The following PNPO variants were observed in gnomAD, a reference collection of about 807,000 sequenced individuals.
The protein encoded by PNPO is pyridoxamine 5'-phosphate oxidase.
Under a neutral mutation model 35.0 loss-of-function variants are expected in PNPO, and 39 were observed. That is an observed-to-expected ratio of 1.11 (90% confidence interval 0.86 to 1.45). PNPO has a LOEUF of 1.45. Among genes scored for constraint, PNPO ranks in the 40% most tolerant of loss-of-function variants. The probability of loss-of-function intolerance (pLI) is 0.00; values close to 1 mark genes in which losing one functional copy is unlikely to be tolerated. For missense variants in PNPO, 288 were observed against 340.0 expected (o/e 0.85, Z 1.20); for synonymous variants, 115 against 119.8 (o/e 0.96, Z 0.26).
In PNPO at chr17:47,947,105, C is replaced by A. The variant is rs868226488; in HGVS notation, c.*323C>A. ...ACTCCCTTTCTGGTGACAGACAGGGCCCCAGCAGCCCTGTCTGTTACCATG... is the reference window on the plus strand; with the variant it reads ...ACTCCCTTTCTGGTGACAGACAGGGACCCAGCAGCCCTGTCTGTTACCATG... On this transcript the variant is annotated 3_prime_UTR_variant, in exon 7 of 7. Coordinates refer to ENST00000642017, the MANE Select transcript of PNPO (RefSeq NM_018129.4). 8.4e-6 allele frequency: 3 copies of A among 356,090 alleles called. No homozygotes were observed. Among genetic ancestry groups the A allele is most frequent in the South Asian group, 7.8e-5 (3 of 38,352 alleles). 22.1% of individuals were successfully genotyped at this position (356,090 alleles called of 1,614,324 possible). A position where few individuals can be genotyped will look rare whatever the true frequency, so the allele number is the denominator to read the frequency against.
chr17:47,945,108 T>C lies in PNPO; in HGVS notation c.363+393T>C. The C allele has an allele frequency of 2.6e-6, 1 of 383,104 alleles. No individual in the cohort carries two copies. The highest frequency in any genetic ancestry group is 5.0e-6 in the Non-Finnish European group (1 of 200,666). The allele number at this position is 383,104 out of a possible 1,614,324, so 23.7% of individuals were successfully genotyped here. On this transcript the variant is annotated intron_variant, in intron 3 of 6. Coordinates refer to ENST00000642017, the MANE Select transcript of PNPO (RefSeq NM_018129.4). The surrounding 1 kb of genome is among the most constrained non-coding windows in gnomAD (Gnocchi z 4.0). ...TTATGTAACTGATATTTGTCTCCTCTGCTCAACAGTAAGCTCTGTAGGAGT... is the reference window on the plus strand; with the variant it reads ...TTATGTAACTGATATTTGTCTCCTCCGCTCAACAGTAAGCTCTGTAGGAGT...
intron 1 of PNPO, 59 bp from the exon 2 acceptor site, chr17:47,943,247 G>A (rs2035965660): frequency 7.1e-7 from 1 of 1,403,908 alleles, no homozygotes; most frequent in Non-Finnish European, 1.0e-6. Flanking sequence ...CTAGAACAGT[G>A]CCAGGTCCAT....
rs190302343 is a variant in PNPO, at chr17:47,942,786, C to T, written c.139-520C>T. Among the ~76,000 whole-genome samples, 211 of 152,134 alleles carry T rather than the reference C, an allele frequency of 1.4e-3. 1 individual carries two copies. Among genetic ancestry groups the T allele is most frequent in the African/African-American group, 5.0e-3 (209 of 41,478 alleles). On this transcript the variant is annotated intron_variant, in intron 1 of 6. Coordinates refer to ENST00000642017, the MANE Select transcript of PNPO (RefSeq NM_018129.4). ...CTACAAAAAATTAAAATTAGTCGAGCATGTTGGAGCGTGCCTGTAATTCCA... is the reference window on the plus strand; with the variant it reads ...CTACAAAAAATTAAAATTAGTCGAGTATGTTGGAGCGTGCCTGTAATTCCA...
intron 1 of PNPO, 124 bp downstream of exon 1, chr17:47,941,937 G>A: frequency 1.5e-6 from 2 of 1,367,976 alleles, no homozygotes; most frequent in Non-Finnish European, 1.9e-6. Flanking sequence ...GTGGGGCAAG[G>A]AGGTTTGAGG....
chr17:47,945,230 A>G lies in PNPO; in HGVS notation c.364-329A>G, dbSNP rs1442963186. On this transcript the variant is annotated intron_variant, in intron 3 of 6. Transcript: ENST00000642017. The surrounding 1 kb of genome is among the most constrained non-coding windows in gnomAD (Gnocchi z 4.0). ...CGCGTGCATTCAATGAATGAATCCA[A>G]AATGAGTAAACCTCCCTGAGTCCAT... is the stretch of plus-strand genomic sequence containing the variant. The G allele has an allele frequency of 2.4e-6, 1 of 411,262 alleles. No homozygotes were observed. The highest frequency in any genetic ancestry group is 4.6e-6 in the Non-Finnish European group (1 of 218,466). 25.5% of individuals were successfully genotyped at this position (411,262 alleles called of 1,614,324 possible). A position where few individuals can be genotyped will look rare whatever the true frequency, so the allele number is the denominator to read the frequency against.
rs1266169742 is a variant in PNPO at position 47,944,619 on chromosome 17, T to C, written c.267T>C (p.Asp89=). ...GTGCTCTGCTCTTTGCTCCTAGAGA[T>C]GGAAAACCCTCTGCTCGCATGTTGC... ...NAMCLATCTR[D]GKPSARMLLL... Residue 89 remains aspartate (D), a synonymous_variant, in exon 3 of 7, where the codon GAT becomes GAC. Coordinates refer to ENST00000642017, the MANE Select transcript of PNPO (RefSeq NM_018129.4). 3 of 1,613,156 alleles carry C rather than the reference T, an allele frequency of 1.9e-6. No individual in the cohort carries two copies. The African/African-American group carries it at 4.0e-5, about 22-fold the overall frequency.
In PNPO at chr17:47,946,002, C is replaced by T; in HGVS notation, c.546+13C>T. ...CCCTGATCGGGAGGTGAGTGGAGCT[C>T]CGCTGTAGTCCTCCAGGTGGTGGAG... is the stretch of plus-strand genomic sequence containing the variant. On this transcript the variant is annotated intron_variant, in intron 5 of 6. Transcript: ENST00000642017. 1 of 1,613,444 alleles carries T rather than the reference C, an allele frequency of 6.2e-7. No individual in the cohort carries two copies. The highest frequency in any genetic ancestry group is 8.5e-7 in the Non-Finnish European group (1 of 1,180,010).
chr17:47,942,751 G>A (rs2035957627), intron 1 of PNPO, among the ~76,000 whole-genome samples: 1 of 152,130 alleles, frequency 6.6e-6, no homozygotes, highest in Non-Finnish European at 1.5e-5. Flanking sequence ...AACATAGTGA[G>A]ACCCTGTCTC....
intron 3 of PNPO, chr17:47,944,941 C>T: frequency 3.4e-6 from 2 of 593,738 alleles, no homozygotes; most frequent in Non-Finnish European, 6.1e-6. Context: ...CTTCAGATCT[C>T]AGCCCACATG....
intron 2 of PNPO, 82 bp from the exon 3 acceptor site, chr17:47,944,534 C>T (rs935484959): frequency 2.8e-6 from 3 of 1,078,972 alleles, no homozygotes; most frequent in Non-Finnish European, 4.3e-6. Flanking sequence ...GGAGGGGGTG[C>T]TGAGACATCC....
chr17:47,943,323 T>C lies in PNPO; in HGVS notation c.156T>C (p.His52=), dbSNP rs764734750. Residue 52 remains histidine (H), a synonymous_variant, in exon 2 of 7, where the codon CAT becomes CAC. Coordinates refer to ENST00000642017, the MANE Select transcript of PNPO (RefSeq NM_018129.4). ...RGDREAFEET[H]LTSLDPVKQF... The stretch of plus-strand genomic sequence containing the variant: ...TTTCCTAGGCATTTGAGGAGACTCA[T>C]CTGACCTCCCTTGACCCAGTGAAAC... 1.2e-6 allele frequency: 2 copies of C among 1,613,760 alleles called. No individual in the cohort carries two copies. The highest frequency in any genetic ancestry group is 1.7e-6 in the Non-Finnish European group (2 of 1,179,800).
chr17:47,941,794 G>A lies in PNPO; in HGVS notation c.119G>A (p.Ser40Asn), dbSNP rs797045893. Residue 40 changes from serine to asparagine, a missense_variant, in exon 1 of 7, where the codon AGT becomes AAT. Coordinates refer to ENST00000642017, the MANE Select transcript of PNPO (RefSeq NM_018129.4). ...AAMDLGPMRKSYRGDREAFEE... is the reference protein window; with the variant it reads ...AAMDLGPMRKNYRGDREAFEE... ...ATGGACCTGGGACCCATGCGCAAGA[G>A]TTACCGCGGGGACCGAGAGGTGCCG... The A allele has an allele frequency of 3.2e-6, 5 of 1,569,896 alleles. No homozygotes were observed. Among genetic ancestry groups the A allele is most frequent in the Non-Finnish European group, 3.5e-6 (4 of 1,156,680 alleles).
At position 47,943,379 on chromosome 17, in the gene PNPO, A is replaced by G; in HGVS notation, c.212A>G (p.Gln71Arg). The change falls in exon 2 of 7, where the codon CAG becomes CGG. Residue 71 changes from glutamine to arginine, a missense_variant. Transcript: ENST00000642017. ...QFAAWFEEAV[Q>R]CPDIGEANAM... ...GCTGCCTGGTTTGAGGAGGCTGTTC[A>G]GTGTCCTGACATAGGGGAAGCCAAT... is the stretch of plus-strand genomic sequence containing the variant. 1 of 1,614,064 alleles carries G rather than the reference A, an allele frequency of 6.2e-7. No individual in the cohort carries two copies. Among genetic ancestry groups the G allele is most frequent in the Non-Finnish European group, 8.5e-7 (1 of 1,179,910 alleles).
At chr17:47,946,284 C>T in intron 5 of PNPO, 39 bp from the exon 6 acceptor site, 1 of 1,454,370 alleles carries the variant, frequency 6.9e-7, no homozygotes, top group Non-Finnish European at 9.7e-7. Context: ...GAATCATTGA[C>T]TGGGCCTGGC....
chr17:47,945,079 G>C lies in PNPO; in HGVS notation c.363+364G>C. 2 of 393,630 alleles carry C rather than the reference G, an allele frequency of 5.1e-6. No individual in the cohort carries two copies. Among genetic ancestry groups the C allele is most frequent in the South Asian group, 4.3e-5 (2 of 46,228 alleles). 24.4% of individuals were successfully genotyped at this position (393,630 alleles called of 1,614,324 possible). A position where few individuals can be genotyped will look rare whatever the true frequency, so the allele number is the denominator to read the frequency against. On this transcript the variant is annotated intron_variant, in intron 3 of 6. Coordinates refer to ENST00000642017, the MANE Select transcript of PNPO (RefSeq NM_018129.4). The surrounding 1 kb of genome is among the most constrained non-coding windows in gnomAD (Gnocchi z 4.0). ...AGTTTGTAACTGAGCATTTGTTTGG[G>C]TGATTATGTAACTGATATTTGTCTC...
chr17:47,941,715 C>G lies in PNPO; in HGVS notation c.40C>G (p.Arg14Gly), dbSNP rs1441842851. Reference sequence around the variant, plus strand: ...GCGGGGCGTCACGGCGACGTTCGGGCGACCTGCCGAGTGGCCAGGCTACCT... The same window carrying G: ...GCGGGGCGTCACGGCGACGTTCGGGGGACCTGCCGAGTGGCCAGGCTACCT... ...WLRGVTATFG[R>G]PAEWPGYLSH... Residue 14 changes from arginine to glycine, a missense_variant, in exon 1 of 7, where the codon CGA becomes GGA. Arg to Gly is a moderately radical substitution (Grantham distance 125, BLOSUM62 -2). Coordinates refer to ENST00000642017, the MANE Select transcript of PNPO (RefSeq NM_018129.4). 1.3e-6 allele frequency: 2 copies of G among 1,542,946 alleles called. No homozygotes were observed. Among genetic ancestry groups the G allele is most frequent in the Non-Finnish European group, 1.8e-6 (2 of 1,141,698 alleles).
chr17:47,944,964 G>A lies in PNPO; in HGVS notation c.363+249G>A, dbSNP rs2325750. On this transcript the variant is annotated intron_variant, in intron 3 of 6. Coordinates refer to ENST00000642017, the MANE Select transcript of PNPO (RefSeq NM_018129.4). Reference sequence around the variant, plus strand: ...CTCAGCCCACATGTTACCTCCTCAGGAAGGCCTTCCTTGACTCTCACTCAG... The same window carrying A: ...CTCAGCCCACATGTTACCTCCTCAGAAAGGCCTTCCTTGACTCTCACTCAG... 379,137 of 554,660 alleles carry A rather than the reference G, an allele frequency of 0.68. 131,804 individuals carry two copies. Among genetic ancestry groups the A allele is most frequent in the Admixed American group, 0.8 (27,096 of 33,976 alleles). 34.4% of individuals were successfully genotyped at this position (554,660 alleles called of 1,614,324 possible).
At chr17:47,944,562 T>C (rs539950028) in intron 2 of PNPO, 54 bp from the exon 3 acceptor site, 1 of 1,373,720 alleles carries the variant, frequency 7.3e-7, no homozygotes, top group African/African-American at 1.4e-5. Context: ...AGAGGGACTA[T>C]AGCCAGAACA....
chr17:47,944,768 G>C (rs993256212), intron 3 of PNPO, 53 bp downstream of exon 3: 1 of 1,423,130 alleles, frequency 7.0e-7, no homozygotes, highest in Non-Finnish European at 9.9e-7. Context: ...TTTGGCTCTT[G>C]CTTCCTCAGT....
Sources: allele counts gnomAD v4.1 joint callset (sites outside exome capture counted in the v4.1 genomes callset), GRCh38; gene constraint gnomAD v4.1.1; non-coding constraint Gnocchi (gnomAD v3.1); transcripts MANE v1.5; gene names NCBI Gene and HGNC (gene_info 2026-07-23, HGNC 2026-07-21).